The following NRXN1 variants were observed in gnomAD, a reference collection of about 807,000 sequenced individuals.
The protein encoded by NRXN1 is neurexin 1.
A neutral mutation model predicts 150.9 loss-of-function variants in NRXN1; 39 were observed. The observed-to-expected ratio is 0.26, with a 90% CI of 0.20 to 0.34. The LOEUF is 0.34. Ranked by LOEUF, NRXN1 falls within the 10% of genes least tolerant of loss-of-function variation. The pLI is 1.00. For synonymous variants in NRXN1, 924 were observed against 757.0 expected, an observed-to-expected ratio of 1.22 and a Z score of -3.62; for missense variants, 1,815 against 1,949.9, an observed-to-expected ratio of 0.93 and a Z score of 1.30.
At chr2:50,640,259 G>A (rs969077708) in intron 5 of NRXN1, among the ~76,000 whole-genome samples, 7 of 152,112 alleles carry the variant, frequency 4.6e-5, no homozygotes, top group East Asian at 1.9e-4. Context: ...TGGTAAAAAC[G>A]CAGAGTTTAG....
At chr2:50,988,088 G>C (rs1198635808) in intron 2 of NRXN1, among the ~76,000 whole-genome samples, 2 of 151,972 alleles carry the variant, frequency 1.3e-5, no homozygotes, top group Non-Finnish European at 2.9e-5. Flanking sequence ...TGATGCAACA[G>C]TGCTTTAATA....
chr2:50,693,905 C>A (rs1416320698), intron 5 of NRXN1, among the ~76,000 whole-genome samples: 1 of 152,186 alleles, frequency 6.6e-6, no homozygotes, highest in African/African-American at 2.4e-5. Flanking sequence ...CCCCCTTTTA[C>A]CTCAGCCTCC....
chr2:49,980,339 C>T (rs569110359), intron 21 of NRXN1, among the ~76,000 whole-genome samples: 1 of 152,206 alleles, frequency 6.6e-6, no homozygotes, highest in East Asian at 1.9e-4. Context: ...ATCTTCCATA[C>T]TTTAAGAACC....
At chr2:50,349,746 G>A (rs1474933595) in intron 17 of NRXN1, among the ~76,000 whole-genome samples, 2 of 152,150 alleles carry the variant, frequency 1.3e-5, no homozygotes, top group Non-Finnish European at 2.9e-5. Context: ...TGACATGAAG[G>A]CGTTATGTCT....
intron 13 of NRXN1, among the ~76,000 whole-genome samples, chr2:50,503,482 A>G (rs2092059242): frequency 6.6e-6 from 1 of 151,964 alleles, no homozygotes; most frequent in Admixed American, 6.6e-5. Flanking sequence ...GAAGTATTAT[A>G]AAAACATAGC....
intron 5 of NRXN1, among the ~76,000 whole-genome samples, chr2:50,650,464 T>C (rs530262421): frequency 6.6e-6 from 1 of 152,110 alleles, no homozygotes; most frequent in South Asian, 2.1e-4. Flanking sequence ...TAAAAATGCT[T>C]CCAAACAATT....
intron 5 of NRXN1, among the ~76,000 whole-genome samples, chr2:50,768,586 C>G (rs1460132712): frequency 6.6e-6 from 1 of 151,696 alleles, no homozygotes; most frequent in Non-Finnish European, 1.5e-5. Flanking sequence ...GGATTATAGG[C>G]TAATTAGGGT....
At chr2:50,040,112 G>C (rs1690695943) in intron 21 of NRXN1, among the ~76,000 whole-genome samples, 2 of 151,962 alleles carry the variant, frequency 1.3e-5, no homozygotes, top group Non-Finnish European at 2.9e-5. Context: ...AGTTGTGGTT[G>C]GTTGTCAGAC....
At chr2:50,888,357 A>G (rs892264405) in intron 5 of NRXN1, among the ~76,000 whole-genome samples, 4 of 151,570 alleles carry the variant, frequency 2.6e-5, no homozygotes, top group Non-Finnish European at 4.4e-5. Flanking sequence ...ATTTCTTCCA[A>G]CTGATTTCAT....
intron 5 of NRXN1, among the ~76,000 whole-genome samples, chr2:50,727,294 G>A (rs858947): frequency 0.91 from 138,620 of 152,246 alleles, 63,321 homozygotes; most frequent in African/African-American, 0.98. Flanking sequence ...CAAAATTCCA[G>A]TTACAACATA....
intron 18 of NRXN1, among the ~76,000 whole-genome samples, chr2:50,226,062 C>T (rs2064344471): frequency 6.6e-6 from 1 of 151,998 alleles, no homozygotes; most frequent in Admixed American, 6.6e-5. Context: ...ACCTGCATCA[C>T]AGAAGGCACA....
intron 5 of NRXN1, among the ~76,000 whole-genome samples, chr2:50,813,527 T>C (rs185031167): frequency 6.6e-6 from 1 of 152,166 alleles, no homozygotes; most frequent in African/African-American, 2.4e-5. Flanking sequence ...TCATATGGCT[T>C]AAACTTAACT....
intron 17 of NRXN1, among the ~76,000 whole-genome samples, chr2:50,382,611 A>G (rs920315286): frequency 6.6e-6 from 1 of 152,208 alleles, no homozygotes; most frequent in Non-Finnish European, 1.5e-5. Flanking sequence ...GCCTATGGCC[A>G]GGAAGCTTCT....
At chr2:50,562,151 G>A (rs990090610) in intron 8 of NRXN1, among the ~76,000 whole-genome samples, 3 of 152,086 alleles carry the variant, frequency 2.0e-5, no homozygotes, top group Non-Finnish European at 4.4e-5. Context: ...GATGTGTCTA[G>A]ATTAATCAAT....
At chr2:50,317,694 C>T (rs982592373) in intron 17 of NRXN1, among the ~76,000 whole-genome samples, 2 of 151,772 alleles carry the variant, frequency 1.3e-5, no homozygotes, top group Admixed American at 6.6e-5. Context: ...AAAACCATGG[C>T]AAACATCTCA....
chr2:50,821,118 GATGCATCAGGGTTTATAATTAAGAAT>G (rs1368437487), intron 5 of NRXN1, among the ~76,000 whole-genome samples: 2 of 152,086 alleles, frequency 1.3e-5, no homozygotes, highest in African/African-American at 4.8e-5. Flanking sequence ...GAAGTTCAGA[GATGCATCAGGGTTTATAATTAAGAAT>G]ATGAAGAGTA....
intron 17 of NRXN1, among the ~76,000 whole-genome samples, chr2:50,310,692 T>C (rs2075100956): frequency 6.6e-6 from 1 of 152,194 alleles, no homozygotes; most frequent in African/African-American, 2.4e-5. Flanking sequence ...ATAAACTACA[T>C]TATGGATGTC....
At chr2:50,077,737 A>C (rs1697317736) in intron 19 of NRXN1, among the ~76,000 whole-genome samples, 1 of 152,052 alleles carries the variant, frequency 6.6e-6, no homozygotes, top group Non-Finnish European at 1.5e-5. Context: ...AAAATACTTC[A>C]TTGGAAATGC....
At chr2:50,222,819 CA>C (rs1034497327) in intron 18 of NRXN1, among the ~76,000 whole-genome samples, 40 of 151,848 alleles carry the variant, frequency 2.6e-4, no homozygotes, top group African/African-American at 9.2e-4. Context: ...AGCATATATA[CA>C]AATCCTTGTA....
Sources: allele counts gnomAD v4.1 joint callset (sites outside exome capture counted in the v4.1 genomes callset), GRCh38; gene constraint gnomAD v4.1.1; transcripts MANE v1.5; gene names NCBI Gene and HGNC (gene_info 2026-07-23, HGNC 2026-07-21).